Variants in CGNL1 observed in about 807,000 individuals in gnomAD.
The protein encoded by CGNL1 is cingulin like 1, also known as cingulin-like protein 1.
A neutral mutation model predicts 141.2 loss-of-function variants in CGNL1; 132 were observed. The observed-to-expected ratio is 0.93, with a 90% CI of 0.81 to 1.08. The LOEUF (loss-of-function observed/expected upper bound fraction) is 1.08, where lower values mean the gene tolerates loss of function less well. CGNL1 is among the 50% of genes least tolerant of loss of function. The probability of loss-of-function intolerance (pLI) is 0.00; values close to 1 mark genes in which losing one functional copy is unlikely to be tolerated. For synonymous variants in CGNL1, 690 were observed against 622.1 expected, an observed-to-expected ratio of 1.11 and a Z score of -1.63; for missense variants, 1,870 against 1,588.6, an observed-to-expected ratio of 1.18 and a Z score of -3.01.
chr15:57,494,524 T>C (rs2063909761), intron 8 of CGNL1, among the ~76,000 whole-genome samples: 1 of 152,204 alleles, frequency 6.6e-6, no homozygotes, highest in African/African-American at 2.4e-5. Context: ...CATATGTGAT[T>C]AAGCCATTAA....
intron 1 of CGNL1, among the ~76,000 whole-genome samples, chr15:57,414,861 C>T (rs1367158089): frequency 6.6e-6 from 1 of 152,154 alleles, no homozygotes; most frequent in African/African-American, 2.4e-5. Flanking sequence ...GGCTCCTGAA[C>T]TCTCATATAT....
Position 57,531,769 on chromosome 15 carries a change from G to C in CGNL1, c.3281G>C (p.Ser1094Thr), listed in dbSNP as rs1282785055. The change falls in exon 14 of 19, where the codon AGC becomes ACC. Residue 1094 changes from serine to threonine, a missense_variant. Ser to Thr is a moderately conservative substitution (Grantham distance 58). Transcript: ENST00000281282. ...TTGCTGTCTGAGAGGATCAGTAGGA[G>C]CAGGGAACAGGTACTATTCTATAGG... is the stretch of plus-strand genomic sequence containing the variant. ...SDLLSERISR[S>T]REQMEQLRNE... The C allele has an allele frequency of 3.7e-6, 6 of 1,600,792 alleles. No homozygotes were observed. The East Asian group carries it at 1.3e-4, about 36-fold the overall frequency.
At chr15:57,487,011 A>G (rs575718585) in intron 8 of CGNL1, among the ~76,000 whole-genome samples, 2 of 152,226 alleles carry the variant, frequency 1.3e-5, no homozygotes, top group African/African-American at 2.4e-5. Flanking sequence ...CTTTGCTGCT[A>G]GTTTTCCCAG....
intron 8 of CGNL1, among the ~76,000 whole-genome samples, chr15:57,463,670 T>C (rs2063473858): frequency 6.6e-6 from 1 of 152,244 alleles, no homozygotes; most frequent in African/African-American, 2.4e-5. Context: ...TTTGCTTAAG[T>C]AACTTGCTTG....
chr15:57,454,285 T>G (rs1330458133), intron 7 of CGNL1, among the ~76,000 whole-genome samples: 1 of 152,128 alleles, frequency 6.6e-6, no homozygotes, highest in African/African-American at 2.4e-5. Context: ...AACAAAGAGA[T>G]GATAAACAAT....
chr15:57,394,104 TG>T (rs10551362), intron 1 of CGNL1: 25,174 of 52,584 alleles, frequency 0.48, 6,356 homozygotes, highest in South Asian at 0.55. Context: ...AATTTCTGTT[TG>T]TTTTTTTTTT....
At chr15:57,424,555 G>T (rs1308188570) in intron 1 of CGNL1, among the ~76,000 whole-genome samples, 1 of 152,172 alleles carries the variant, frequency 6.6e-6, no homozygotes, top group Non-Finnish European at 1.5e-5. Flanking sequence ...GCATGTCCCA[G>T]ATGAGCTGAT....
intron 7 of CGNL1, among the ~76,000 whole-genome samples, chr15:57,458,243 C>T (rs74889687): frequency 6.6e-6 from 1 of 152,130 alleles, no homozygotes; most frequent in Admixed American, 6.5e-5. Flanking sequence ...GGCAAGTTGA[C>T]CTCTAATGGA....
chr15:57,394,685 C>T (rs2062583276), intron 1 of CGNL1, among the ~76,000 whole-genome samples: 1 of 152,210 alleles, frequency 6.6e-6, no homozygotes. Flanking sequence ...CAAGAACTAA[C>T]CATTTCTGAC....
At chr15:57,520,492 G>A (rs759503914) in intron 10 of CGNL1, among the ~76,000 whole-genome samples, 11 of 152,204 alleles carry the variant, frequency 7.2e-5, no homozygotes, top group Non-Finnish European at 1.6e-4. Context: ...CCATGACTCA[G>A]TTAAAAAGTA....
chr15:57,546,180 G>A lies in CGNL1; in HGVS notation c.3714G>A (p.Glu1238=). 6.2e-7 allele frequency: 1 copy of A among 1,609,702 alleles called. No individual in the cohort carries two copies. Among genetic ancestry groups the A allele is most frequent in the East Asian group, 2.2e-5 (1 of 44,726 alleles). Reference sequence around the variant, plus strand: ...AGAAGCTGCAGAGGGAGCTGGAGGAGCAGATGGACATGAATGAGCATCTGC... The same window carrying A: ...AGAAGCTGCAGAGGGAGCTGGAGGAACAGATGGACATGAATGAGCATCTGC... ...SKKKLQRELE[E]QMDMNEHLQG... The change falls in exon 18 of 19, where the codon GAG becomes GAA. Residue 1238 remains glutamate, a synonymous_variant. Coordinates refer to ENST00000281282, the MANE Select transcript of CGNL1 (RefSeq NM_032866.5).
chr15:57,477,256 G>C (rs1486799148), intron 8 of CGNL1, among the ~76,000 whole-genome samples: 1 of 152,186 alleles, frequency 6.6e-6, no homozygotes, highest in Non-Finnish European at 1.5e-5. Flanking sequence ...CATTCAGGGA[G>C]ACGTGGTGCA....
Position 57,439,606 on chromosome 15 carries a change from C to T in CGNL1, c.1602+5C>T, listed in dbSNP as rs752502402. ...CCTTCGGCCTCAAATACTCAGGTAA[C>T]ACTAGTGCGATTCCTGTTTGGTTTT... On this transcript the variant is annotated splice_donor_5th_base_variant and intron_variant, in intron 2 of 18. Coordinates refer to ENST00000281282, the MANE Select transcript of CGNL1 (RefSeq NM_032866.5). 1 of 1,608,596 alleles carries T rather than the reference C, an allele frequency of 6.2e-7. No homozygotes were observed. The highest frequency in any genetic ancestry group is 1.1e-5 in the South Asian group (1 of 90,768).
intron 8 of CGNL1, among the ~76,000 whole-genome samples, chr15:57,499,741 T>C (rs532162970): frequency 6.6e-6 from 1 of 152,232 alleles, no homozygotes; most frequent in Non-Finnish European, 1.5e-5. Context: ...TGATTCTTTT[T>C]TGGGTACTTT....
In CGNL1 at chr15:57,547,628, G is replaced by A. The variant is rs551739176; in HGVS notation, c.*138G>A. 1 of 989,082 alleles carries A rather than the reference G, an allele frequency of 1.0e-6. No individual in the cohort carries two copies. The highest frequency in any genetic ancestry group is 2.5e-5 in the East Asian group (1 of 39,372). 61.3% of individuals were successfully genotyped at this position (989,082 alleles called of 1,614,324 possible). ...TTGCACAGCATGCCAGCTCCTCAGT[G>A]TTACATTCCTCGCCAGGGTCTCTCA... is the stretch of plus-strand genomic sequence containing the variant. On this transcript the variant is annotated 3_prime_UTR_variant, in exon 19 of 19. Coordinates refer to ENST00000281282, the MANE Select transcript of CGNL1 (RefSeq NM_032866.5).
At chr15:57,452,968 C>A (rs2063339121) in intron 6 of CGNL1, among the ~76,000 whole-genome samples, 1 of 151,830 alleles carries the variant, frequency 6.6e-6, no homozygotes, top group South Asian at 2.1e-4. Context: ...TGGTGTTTTG[C>A]GTTTAAAACA....
rs1491455852 is a variant in CGNL1 at position 57,442,182 on chromosome 15, G to GGAAAAA, written c.1698-191_1698-190insGAAAAA. 1.7e-4 allele frequency among the ~76,000 whole-genome samples: 16 copies of GGAAAAA among 96,504 alleles called. No individual in the cohort carries two copies. In the South Asian group the frequency reaches 2.7e-3, roughly 16 times the overall value. The allele number at this position is 96,504 out of a possible 152,430, so 63.3% of individuals were successfully genotyped here. A position where few individuals can be genotyped will look rare whatever the true frequency, so the allele number is the denominator to read the frequency against. On this transcript the variant is annotated intron_variant, in intron 3 of 18. Coordinates refer to ENST00000281282, the MANE Select transcript of CGNL1 (RefSeq NM_032866.5). Reference sequence around the variant, plus strand: ...TTGAGTGGTAACACATCATTTATTTGAAAAAAAAAAAAAAAAAAAAAGACA... The same window carrying GGAAAAA: ...TTGAGTGGTAACACATCATTTATTTGGAAAAAAAAAAAAAAAAAAAAAAAAAAGACA...
At chr15:57,384,119 T>G (rs907476) in intron 1 of CGNL1, among the ~76,000 whole-genome samples, 34,034 of 144,598 alleles carry the variant, frequency 0.24, 4,316 homozygotes, top group East Asian at 0.48. Context: ...GGGGAAATAG[T>G]GGGTAGGAGA....
chr15:57,519,529 C>T (rs1567166567), intron 10 of CGNL1, among the ~76,000 whole-genome samples: 1 of 152,302 alleles, frequency 6.6e-6, no homozygotes, highest in East Asian at 1.9e-4. Flanking sequence ...ACTCTTGGGA[C>T]AAAACTCGTG....
Sources: gnomAD v4.1 joint callset for allele counts (sites outside exome capture counted in the v4.1 genomes callset) on GRCh38, gnomAD v4.1.1 for gene constraint, MANE v1.5 for transcripts, NCBI Gene and HGNC (gene_info 2026-07-23, HGNC 2026-07-21) for gene names.